LINGO2: variants seen among roughly 807,000 people sequenced by gnomAD.
The protein encoded by LINGO2 is leucine-rich repeat and immunoglobulin-like domain-containing nogo receptor-interacting protein 2.
A neutral mutation model predicts 30.6 loss-of-function variants in LINGO2; 14 were observed. The ratio of observed to expected loss-of-function variants is 0.46; its 90% CI spans 0.30 to 0.72. LINGO2 has a LOEUF of 0.72. Among genes scored for constraint, LINGO2 ranks in the 30% least tolerant of loss-of-function variants. LINGO2 has a pLI of 0.07. For missense variants in LINGO2, 729 were observed against 751.7 expected (o/e 0.97, Z 0.35); for synonymous variants, 317 against 288.5 (o/e 1.10, Z -1.00).
At chr9:29,092,358 C>A in the LINGO2 span, among the ~76,000 whole-genome samples, 1 of 151,568 alleles carries the variant, frequency 6.6e-6, no homozygotes, top group African/African-American at 2.4e-5. Context: ...ATCGTATCCC[C>A]AAAAAAGGAT....
At chr9:28,178,920 T>C (rs1828821592) in intron 4 of LINGO2, among the ~76,000 whole-genome samples, 1 of 152,148 alleles carries the variant, frequency 6.6e-6, no homozygotes, top group Non-Finnish European at 1.5e-5. Context: ...TTTTCAATTT[T>C]TCTGAATCTA....
chr9:28,420,188 G>T lies in LINGO2; in HGVS notation c.-278-47320C>A, dbSNP rs141133360. 4.7e-4 allele frequency among the ~76,000 whole-genome samples: 71 copies of T among 152,106 alleles called. No homozygotes were observed. In the East Asian group the frequency reaches 0.011, roughly 24 times the overall value. ...CCAAAATATCCAAACATGGCAAAAC[G>T]TAAAAATAAATCTGCATTTCCAAAT... On this transcript the variant is annotated intron_variant, in intron 2 of 5. Coordinates refer to ENST00000379992, the Ensembl canonical transcript of LINGO2.
chr9:28,508,581 T>G (rs943548999), intron 1 of LINGO2, among the ~76,000 whole-genome samples: 6 of 152,178 alleles, frequency 3.9e-5, no homozygotes, highest in African/African-American at 1.2e-4. Flanking sequence ...TATATTTATC[T>G]AACTACTGGA....
At chr9:28,197,850 G>C (rs1412797739) in intron 4 of LINGO2, among the ~76,000 whole-genome samples, 1 of 150,012 alleles carries the variant, frequency 6.7e-6, no homozygotes, top group Non-Finnish European at 1.5e-5. Context: ...ACAAGAAATA[G>C]AAAATTTGCA....
chr9:28,667,132 TCAAA>T (rs773037631), intron 1 of LINGO2, among the ~76,000 whole-genome samples: 21 of 152,302 alleles, frequency 1.4e-4, no homozygotes, highest in African/African-American at 4.3e-4. Context: ...ACTTGGCTGA[TCAAA>T]CAAACACACC....
At chr9:29,076,581 C>CATAT in the LINGO2 span, among the ~76,000 whole-genome samples, 1 of 146,146 alleles carries the variant, frequency 6.8e-6, no homozygotes, top group Non-Finnish European at 1.5e-5. Flanking sequence ...AAGCATATTA[C>CATAT]ATATATATAT....
chr9:28,090,550 T>C (rs1037972501), intron 4 of LINGO2, among the ~76,000 whole-genome samples: 1 of 152,160 alleles, frequency 6.6e-6, no homozygotes, highest in Non-Finnish European at 1.5e-5. Flanking sequence ...AATTACATAT[T>C]GATGGGACGT....
At chr9:28,864,132 ATCCTCAGTTACTTAGCTTCCCAC>A in the LINGO2 span, among the ~76,000 whole-genome samples, 3 of 152,126 alleles carry the variant, frequency 2.0e-5, no homozygotes, top group South Asian at 6.2e-4. Flanking sequence ...TTCTAAAGAT[ATCCTCAGTTACTTAGCTTCCCAC>A]TTTATACTCA....
At chr9:28,447,840 A>G (rs1349199503) in intron 2 of LINGO2, among the ~76,000 whole-genome samples, 3 of 152,190 alleles carry the variant, frequency 2.0e-5, no homozygotes, top group Non-Finnish European at 4.4e-5. Context: ...TGCACTGGAT[A>G]TATTGGGAAA....
intron 3 of LINGO2, among the ~76,000 whole-genome samples, chr9:28,357,324 C>T (rs1013884581): frequency 6.9e-6 from 1 of 145,936 alleles, no homozygotes; most frequent in Non-Finnish European, 1.5e-5. Context: ...AGCCCACCCC[C>T]CCCAAAAAAG....
the LINGO2 span, among the ~76,000 whole-genome samples, chr9:28,745,262 G>A: frequency 6.6e-6 from 1 of 152,040 alleles, no homozygotes; most frequent in African/African-American, 2.4e-5. Context: ...TGTGGACAGA[G>A]GTTGTATTTA....
intron 2 of LINGO2, among the ~76,000 whole-genome samples, chr9:28,460,126 A>G (rs1825019638): frequency 6.6e-6 from 1 of 152,090 alleles, no homozygotes; most frequent in Non-Finnish European, 1.5e-5. Context: ...TTATTTTGTC[A>G]GCTATCCCTT....
chr9:28,102,395 T>C (rs1337893575), intron 4 of LINGO2, among the ~76,000 whole-genome samples: 2 of 151,968 alleles, frequency 1.3e-5, no homozygotes, highest in Non-Finnish European at 2.9e-5. Context: ...CTGCCAGAAA[T>C]GAGGTAAAAG....
At chr9:29,212,341 G>A in the LINGO2 span, among the ~76,000 whole-genome samples, 1 of 151,792 alleles carries the variant, frequency 6.6e-6, no homozygotes, top group Admixed American at 6.6e-5. Flanking sequence ...CCCGCTCCGC[G>A]GCGCCCGCTG....
At chr9:28,643,610 G>C (rs1356580938) in intron 1 of LINGO2, among the ~76,000 whole-genome samples, 1 of 151,966 alleles carries the variant, frequency 6.6e-6, no homozygotes, top group Non-Finnish European at 1.5e-5. Flanking sequence ...GGAAACCTAG[G>C]ATATTGGTCT....
At chr9:28,513,803 A>T (rs1242251089) in intron 1 of LINGO2, among the ~76,000 whole-genome samples, 1 of 152,244 alleles carries the variant, frequency 6.6e-6, no homozygotes, top group African/African-American at 2.4e-5. Context: ...GGATGATCTT[A>T]AAAAAGGACA....
chr9:28,063,329 T>C (rs964036432), intron 4 of LINGO2, among the ~76,000 whole-genome samples: 1 of 152,132 alleles, frequency 6.6e-6, no homozygotes, highest in Admixed American at 6.6e-5. Flanking sequence ...AACCAGTGGG[T>C]CTTTGATTCA....
the LINGO2 span, among the ~76,000 whole-genome samples, chr9:29,034,299 A>G: frequency 6.6e-6 from 1 of 152,146 alleles, no homozygotes; most frequent in Non-Finnish European, 1.5e-5. Flanking sequence ...TTATTCCAAA[A>G]GAGTATTGAA....
chr9:28,748,229 T>C, the LINGO2 span, among the ~76,000 whole-genome samples: 1 of 151,966 alleles, frequency 6.6e-6, no homozygotes, highest in Non-Finnish European at 1.5e-5. Flanking sequence ...ACTAATAAAT[T>C]ACAGACTCTT....
Sources: gnomAD v4.1 joint callset for allele counts (sites outside exome capture counted in the v4.1 genomes callset) on GRCh38, gnomAD v4.1.1 for gene constraint, MANE v1.5 for transcripts, NCBI Gene and HGNC (gene_info 2026-07-23, HGNC 2026-07-21) for gene names.